The following SLA variants were observed in gnomAD, a reference collection of about 807,000 sequenced individuals.
The protein encoded by SLA is Src like adaptor, also known as src-like-adapter.
A neutral mutation model predicts 30.3 loss-of-function variants in SLA; 16 were observed. That is an observed-to-expected ratio of 0.53 (90% CI 0.36 to 0.80). The LOEUF (loss-of-function observed/expected upper bound fraction) is 0.80. SLA is among the 30% of genes least tolerant of loss of function. The pLI, the probability that SLA is intolerant of heterozygous loss-of-function variation, is 0.01. For missense variants in SLA, 310 were observed against 345.2 expected, an observed-to-expected ratio of 0.90 and a Z score of 0.81; for synonymous variants, 143 against 137.8, an observed-to-expected ratio of 1.04 and a Z score of -0.26.
chr8:133,065,641 A>G (rs1283653623), intron 2 of SLA, among the ~76,000 whole-genome samples: 1 of 152,118 alleles, frequency 6.6e-6, no homozygotes, highest in African/African-American at 2.4e-5. Flanking sequence ...ACATGCCTGT[A>G]ATCCCAACTA....
rs779427041 is a variant in SLA at position 133,060,215 on chromosome 8, A to G, written c.-40-15T>C. ...ATGCCCAGAGCCTGTGGTATAGGAG[A>G]CAGACGGGGAAAGTCAACCGTGCCC... On this transcript the variant is annotated splice_polypyrimidine_tract_variant and intron_variant, in intron 2 of 8. Coordinates refer to ENST00000338087, the MANE Select transcript of SLA (RefSeq NM_001045556.3). The G allele has an allele frequency of 1.2e-6, 2 of 1,612,994 alleles. No individual in the cohort carries two copies. The highest frequency in any genetic ancestry group is 1.7e-6 in the Non-Finnish European group (2 of 1,179,596).
chr8:133,043,262 T>G (rs1188609086), intron 7 of SLA, among the ~76,000 whole-genome samples: 1 of 152,136 alleles, frequency 6.6e-6, no homozygotes, highest in Non-Finnish European at 1.5e-5. Context: ...CCTCATGGCC[T>G]CATGGTCCCT....
intron 2 of SLA, among the ~76,000 whole-genome samples, chr8:133,060,847 A>C (rs915846949): frequency 2.6e-5 from 4 of 152,204 alleles, no homozygotes; most frequent in Admixed American, 1.3e-4. Context: ...AGAAGGGGTA[A>C]GTGACTTGTA....
At chr8:133,069,991 G>T (rs1843711115) in intron 2 of SLA, among the ~76,000 whole-genome samples, 1 of 109,116 alleles carries the variant, frequency 9.2e-6, no homozygotes, top group Admixed American at 1.1e-4. Flanking sequence ...ACAGAGCAAG[G>T]CTCCAGCTCC....
chr8:133,061,113 C>T (rs1474474484), intron 2 of SLA, among the ~76,000 whole-genome samples: 6 of 152,306 alleles, frequency 3.9e-5, no homozygotes, highest in Non-Finnish European at 5.9e-5. Flanking sequence ...CGGGTTCAAG[C>T]GATTCTCCTG....
At chr8:133,053,108 C>T (rs1840726157) in intron 3 of SLA, among the ~76,000 whole-genome samples, 1 of 152,174 alleles carries the variant, frequency 6.6e-6, no homozygotes, top group African/African-American at 2.4e-5. Context: ...TGGAACACAC[C>T]CTGCTCTTCC....
At chr8:133,056,760 C>T (rs534022228) in intron 3 of SLA, among the ~76,000 whole-genome samples, 2 of 152,280 alleles carry the variant, frequency 1.3e-5, no homozygotes, top group East Asian at 1.9e-4. Flanking sequence ...TAATCATTCC[C>T]GTTTTACAAA....
At chr8:133,079,238 A>G (rs556371439) in intron 1 of SLA, among the ~76,000 whole-genome samples, 12 of 152,350 alleles carry the variant, frequency 7.9e-5, no homozygotes, top group Non-Finnish European at 1.3e-4. Flanking sequence ...ACCCAGTACC[A>G]TCTGTGTAGG....
At chr8:133,070,750 G>A (rs1843880921) in intron 2 of SLA, among the ~76,000 whole-genome samples, 1 of 152,196 alleles carries the variant, frequency 6.6e-6, no homozygotes, top group Non-Finnish European at 1.5e-5. Flanking sequence ...TGGGTCTGCT[G>A]GCAAGACCAG....
At chr8:133,046,224 G>C (rs78804548) in intron 6 of SLA, among the ~76,000 whole-genome samples, 6,502 of 152,326 alleles carry the variant, frequency 0.043, 178 homozygotes, top group Middle Eastern at 0.088. Flanking sequence ...GGAGCTGATT[G>C]ATTATTTGCT....
chr8:133,076,805 T>G (rs1844955560), intron 1 of SLA: 1 of 148,604 alleles, frequency 6.7e-6, no homozygotes. Flanking sequence ...TGCCCTTCCC[T>G]GTACTTAACT....
At chr8:133,083,104 G>T (rs1397227451) in intron 1 of SLA, among the ~76,000 whole-genome samples, 1 of 152,166 alleles carries the variant, frequency 6.6e-6, no homozygotes, top group African/African-American at 2.4e-5. Context: ...TCAATCCCAA[G>T]AACCATTTTT....
At position 133,082,261 on chromosome 8, in the gene SLA, G is replaced by A. The variant is rs1391544897; in HGVS notation, c.-318-7131C>T. ...TTCAAAAACTGTAAGTTCCAAGAAG[G>A]CAGGAGTGTATCTGTTTGGCCAGTT... On this transcript the variant is annotated intron_variant, in intron 1 of 8. Transcript: ENST00000338087. Among the ~76,000 whole-genome samples, 3 of 152,168 alleles carry A rather than the reference G, an allele frequency of 2.0e-5. No individual in the cohort carries two copies. In the East Asian group the frequency reaches 5.8e-4, roughly 29 times the overall value.
intron 1 of SLA, among the ~76,000 whole-genome samples, chr8:133,094,082 C>T (rs9297864): frequency 2.6e-5 from 4 of 151,432 alleles, no homozygotes; most frequent in African/African-American, 4.9e-5. Context: ...AGCCCCATAG[C>T]GGATGCACCC....
intron 1 of SLA, among the ~76,000 whole-genome samples, chr8:133,083,791 C>A (rs562308497): frequency 6.6e-6 from 1 of 152,162 alleles, no homozygotes; most frequent in East Asian, 1.9e-4. Flanking sequence ...AGCAGGCTCA[C>A]GGACTCACAT....
intron 1 of SLA, among the ~76,000 whole-genome samples, chr8:133,080,718 C>G (rs972304325): frequency 3.3e-5 from 5 of 152,226 alleles, no homozygotes; most frequent in African/African-American, 1.2e-4. Flanking sequence ...GCCCCACTCA[C>G]CATAGGAACT....
At chr8:133,068,776 A>T (rs1043599905) in intron 2 of SLA, among the ~76,000 whole-genome samples, 3 of 152,234 alleles carry the variant, frequency 2.0e-5, no homozygotes, top group African/African-American at 7.2e-5. Context: ...TAGTTCATGG[A>T]AATAAAAAGA....
At position 133,037,474 on chromosome 8, in the gene SLA, C is replaced by T. The variant is rs1837302361; in HGVS notation, c.*1050G>A. 1 of 152,184 alleles carries T rather than the reference C, an allele frequency of 6.6e-6. No individual in the cohort carries two copies. Among genetic ancestry groups the T allele is most frequent in the South Asian group, 2.1e-4 (1 of 4,836 alleles). The allele number at this position is 152,184 out of a possible 1,614,324, so 9.4% of individuals were successfully genotyped here. The stretch of plus-strand genomic sequence containing the variant: ...TCTTACCTACCCGATCCAGCCAGCC[C>T]TTCCACTCTGAAGAGCAGCTGGAAA... On this transcript the variant is annotated 3_prime_UTR_variant, in exon 9 of 9. Transcript: ENST00000338087.
intron 7 of SLA, among the ~76,000 whole-genome samples, chr8:133,043,340 AC>A (rs1838681367): frequency 6.6e-6 from 1 of 151,936 alleles, no homozygotes; most frequent in Non-Finnish European, 1.5e-5. Flanking sequence ...TGGTCTCCAC[AC>A]CCCCTCCGAT....
Sources: gnomAD v4.1 joint callset for allele counts (sites outside exome capture counted in the v4.1 genomes callset) on GRCh38, gnomAD v4.1.1 for gene constraint, MANE v1.5 for transcripts, NCBI Gene and HGNC (gene_info 2026-07-23, HGNC 2026-07-21) for gene names.